Variants in PPFIBP2 observed in about 807,000 individuals in gnomAD.
The protein encoded by PPFIBP2 is liprin-beta-2.
In PPFIBP2, 118 loss-of-function variants were observed where a neutral mutation model predicts 118.3. The ratio of observed to expected loss-of-function variants is 1.00; its 90% CI spans 0.86 to 1.16. The LOEUF is 1.16. Among genes scored for constraint, PPFIBP2 ranks in the 50% most tolerant of loss-of-function variants. PPFIBP2 has a pLI of 0.00. For synonymous variants in PPFIBP2, 414 were observed against 397.4 expected, an observed-to-expected ratio of 1.04 and a Z score of -0.50; for missense variants, 1,195 against 1,073.1, an observed-to-expected ratio of 1.11 and a Z score of -1.59.
chr11:7,577,320 C>CGTGTGTGTGTGCGT (rs1554958704), intron 3 of PPFIBP2: 13 of 219,802 alleles, frequency 5.9e-5, no homozygotes, highest in African/African-American at 3.1e-4. Context: ...CATGTATGTG[C>CGTGTGTGTGTGCGT]GTGTGTGTGT....
At chr11:7,648,649 G>A in intron 18 of PPFIBP2, 112 bp downstream of exon 18, 1 of 1,507,178 alleles carries the variant, frequency 6.6e-7, no homozygotes, top group African/African-American at 1.4e-5. Context: ...GGAGGAGGCT[G>A]AGAGTTCCTC....
chr11:7,581,382 G>T (rs1041612775), intron 3 of PPFIBP2, among the ~76,000 whole-genome samples: 4 of 152,246 alleles, frequency 2.6e-5, no homozygotes, highest in Non-Finnish European at 4.4e-5. Flanking sequence ...CTGGCTTCCA[G>T]CACTCTCAGT....
In PPFIBP2 at chr11:7,641,622, T is replaced by C. The variant is rs755382985; in HGVS notation, c.1517+2T>C. ...AGGCATTAAGAAGTTCTGGGGAAAGTAAGTTGGTGCCGTTGATCCTAATTA... is the reference window on the plus strand; with the variant it reads ...AGGCATTAAGAAGTTCTGGGGAAAGCAAGTTGGTGCCGTTGATCCTAATTA... On this transcript the variant is annotated splice_donor_variant, in intron 16 of 23. Coordinates refer to ENST00000299492, the MANE Select transcript of PPFIBP2 (RefSeq NM_003621.5). LOFTEE classifies it high-confidence loss of function. 1.2e-6 allele frequency: 2 copies of C among 1,613,684 alleles called. No homozygotes were observed. Among genetic ancestry groups the C allele is most frequent in the South Asian group, 1.1e-5 (1 of 91,010 alleles).
intron 11 of PPFIBP2, chr11:7,632,531 C>T (rs192865481): frequency 9.4e-4 from 174 of 185,678 alleles, no homozygotes; most frequent in Non-Finnish European, 1.3e-3. Context: ...TGCAGTGGCT[C>T]GCTGAATGAA....
chr11:7,546,406 A>G (rs1319390068), intron 1 of PPFIBP2, among the ~76,000 whole-genome samples: 1 of 152,266 alleles, frequency 6.6e-6, no homozygotes, highest in Non-Finnish European at 1.5e-5. Flanking sequence ...CCACAGGTCC[A>G]CCCAGCTTGC....
At chr11:7,600,219 A>T (rs975383822) in intron 5 of PPFIBP2, among the ~76,000 whole-genome samples, 4 of 152,190 alleles carry the variant, frequency 2.6e-5, no homozygotes, top group Non-Finnish European at 5.9e-5. Flanking sequence ...AAGCCATAGG[A>T]CACATCTGAG....
chr11:7,632,851 T>C lies in PPFIBP2; in HGVS notation c.1069-16T>C. 1 of 1,608,176 alleles carries C rather than the reference T, an allele frequency of 6.2e-7. No homozygotes were observed. Among genetic ancestry groups the C allele is most frequent in the East Asian group, 2.2e-5 (1 of 44,832 alleles). ...ACAGACTGTCCTCTACCGTGACTCT[T>C]CTGTCTCTGGTGCAGATGCCTCCAA... On this transcript the variant is annotated splice_polypyrimidine_tract_variant and intron_variant, in intron 11 of 23. Transcript: ENST00000299492.
At chr11:7,596,640 A>C (rs543102324) in intron 4 of PPFIBP2, among the ~76,000 whole-genome samples, 1 of 152,318 alleles carries the variant, frequency 6.6e-6, no homozygotes, top group East Asian at 1.9e-4. Flanking sequence ...CAGACTGAGA[A>C]ATAATTCTGG....
intron 2 of PPFIBP2, among the ~76,000 whole-genome samples, chr11:7,560,737 A>T (rs1280860378): frequency 6.6e-6 from 1 of 152,242 alleles, no homozygotes; most frequent in Non-Finnish European, 1.5e-5. Flanking sequence ...AGATTAGGCC[A>T]GTCTTTGTGT....
Position 7,597,626 on chromosome 11 carries a change from G to T in PPFIBP2, c.439G>T (p.Glu147Ter). ...GATTCGAGACCTGGAAGTGTGTCTG[G>T]AAGGACACCAGGTGAAACTCAATGC... Reference protein sequence around the residue: ...EKIRDLEVCLEGHQVKLNAAE... With the variant: ...EKIRDLEVCL Residue 147 changes from glutamate to a stop codon, truncating the protein, a stop_gained, in exon 5 of 24, where the codon GAA becomes TAA. Coordinates refer to ENST00000299492, the MANE Select transcript of PPFIBP2 (RefSeq NM_003621.5). LOFTEE classifies it high-confidence loss of function. 6.2e-7 allele frequency: 1 copy of T among 1,614,064 alleles called. No individual in the cohort carries two copies. The highest frequency in any genetic ancestry group is 8.5e-7 in the Non-Finnish European group (1 of 1,180,004).
At chr11:7,638,606 T>C (rs1851735733) in intron 14 of PPFIBP2, among the ~76,000 whole-genome samples, 1 of 152,258 alleles carries the variant, frequency 6.6e-6, no homozygotes, top group South Asian at 2.1e-4. Flanking sequence ...AGCCTTCCAT[T>C]ACTGTTGTGA....
In PPFIBP2 at chr11:7,560,205, C is replaced by A. The variant is rs546930631; in HGVS notation, c.65-5348C>A. 4.5e-4 allele frequency among the ~76,000 whole-genome samples: 69 copies of A among 152,350 alleles called. 1 individual carries two copies. The highest frequency in any genetic ancestry group is 3.3e-3 in the Admixed American group (50 of 15,306). On this transcript the variant is annotated intron_variant, in intron 2 of 23. Transcript: ENST00000299492. ...CTGTCTGGGTTTACTCACTTAATTT[C>A]CTGCCCAAATAAAGGCCTGAATTCT... is the stretch of plus-strand genomic sequence containing the variant.
At chr11:7,537,987 G>A (rs1415951919) in intron 1 of PPFIBP2, among the ~76,000 whole-genome samples, 1 of 152,212 alleles carries the variant, frequency 6.6e-6, no homozygotes, top group Non-Finnish European at 1.5e-5. Flanking sequence ...CTTGGAGAGA[G>A]AGGGGAACAA....
chr11:7,560,992 C>T (rs1409112048), intron 2 of PPFIBP2, among the ~76,000 whole-genome samples: 2 of 152,092 alleles, frequency 1.3e-5, no homozygotes, highest in Non-Finnish European at 2.9e-5. Context: ...GGCTTGGGGA[C>T]TTTTTCTTAT....
At chr11:7,603,143 A>G (rs1328738763) in intron 5 of PPFIBP2, among the ~76,000 whole-genome samples, 1 of 152,198 alleles carries the variant, frequency 6.6e-6, no homozygotes, top group Non-Finnish European at 1.5e-5. Context: ...GTGGGAACAC[A>G]AATCTGTCTG....
chr11:7,653,924 TC>T (rs1392896669), downstream of PPFIBP2, among the ~76,000 whole-genome samples: 2 of 152,150 alleles, frequency 1.3e-5, no homozygotes, highest in Non-Finnish European at 1.5e-5. Flanking sequence ...CGGGACCCCC[TC>T]CCATAGCCTT....
intron 1 of PPFIBP2, among the ~76,000 whole-genome samples, chr11:7,518,506 G>C (rs1849439370): frequency 6.6e-6 from 1 of 152,110 alleles, no homozygotes; most frequent in African/African-American, 2.4e-5. Flanking sequence ...TGGGAGTCCT[G>C]GTTGGGGACT....
chr11:7,651,564 C>A, intron 22 of PPFIBP2, 92 bp from the exon 23 acceptor site: 6 of 1,204,484 alleles, frequency 5.0e-6, no homozygotes, highest in Non-Finnish European at 7.1e-6. Flanking sequence ...TCTGGAGGCA[C>A]CCCCAGCCCC....
intron 2 of PPFIBP2, among the ~76,000 whole-genome samples, chr11:7,553,951 G>A (rs929677707): frequency 6.6e-6 from 1 of 152,156 alleles, no homozygotes; most frequent in Non-Finnish European, 1.5e-5. Flanking sequence ...AGCCAGAGTG[G>A]TTTTGTTCTT....
Sources: allele counts gnomAD v4.1 joint callset (sites outside exome capture counted in the v4.1 genomes callset), GRCh38; gene constraint gnomAD v4.1.1; transcripts MANE v1.5; gene names NCBI Gene and HGNC (gene_info 2026-07-23, HGNC 2026-07-21).